RABEP1: variants seen among roughly 807,000 people sequenced by gnomAD.
RABEP1 encodes the protein rab GTPase-binding effector protein 1.
Under a neutral mutation model 123.4 loss-of-function variants are expected in RABEP1, and 51 were observed. The observed-to-expected ratio is 0.41, with a 90% confidence interval of 0.33 to 0.52. RABEP1 has a LOEUF of 0.52. RABEP1 is among the 20% of genes least tolerant of loss of function. RABEP1 has a pLI of 0.16. For synonymous variants in RABEP1, 347 were observed against 355.2 expected (o/e 0.98, Z 0.26); for missense variants, 888 against 996.3 (o/e 0.89, Z 1.46).
chr17:5,287,784 T>G (rs975317467), intron 1 of RABEP1, among the ~76,000 whole-genome samples: 4 of 151,712 alleles, frequency 2.6e-5, no homozygotes, highest in Non-Finnish European at 4.4e-5. Flanking sequence ...TGATGGCCTG[T>G]GCCTCTAGTC....
rs536905129 is a variant in RABEP1 at position 5,341,487 on chromosome 17, G to T, written c.648+3349G>T. Among the ~76,000 whole-genome samples the T allele has an allele frequency of 2.6e-5, 4 of 152,230 alleles. No individual in the cohort carries two copies. In the South Asian group the frequency reaches 8.3e-4, roughly 32 times the overall value. The stretch of plus-strand genomic sequence containing the variant: ...TGTCTCTTGCCTCCTCTCACCAAAA[G>T]ATATTAAACTGTTGATTTTACAGGT... On this transcript the variant is annotated intron_variant, in intron 5 of 17. Coordinates refer to ENST00000537505, the MANE Select transcript of RABEP1 (RefSeq NM_004703.6).
chr17:5,343,869 T>G (rs1220644863), intron 5 of RABEP1, among the ~76,000 whole-genome samples: 1 of 150,722 alleles, frequency 6.6e-6, no homozygotes, highest in African/African-American at 2.4e-5. Flanking sequence ...AGAGACGGGG[T>G]TTTGTCATGT....
chr17:5,373,441 C>A lies in RABEP1; in HGVS notation c.2012C>A (p.Pro671Gln). ...CAGCAAGCAGAAGACTTCATCCTCC[C>A]AGACACTACAGAGGTAACTTACTTT... ...SLQQAEDFIL[P>Q]DTTEALRELV... The change falls in exon 13 of 18, where the codon CCA (proline) becomes CAA (glutamine). Residue 671 changes from proline to glutamine, a missense_variant. Transcript: ENST00000537505. The A allele has an allele frequency of 6.2e-7, 1 of 1,609,846 alleles. No individual in the cohort carries two copies.
At chr17:5,329,075 A>G (rs1416647385) in intron 2 of RABEP1, among the ~76,000 whole-genome samples, 1 of 103,014 alleles carries the variant, frequency 9.7e-6, no homozygotes, top group African/African-American at 4.2e-5. Flanking sequence ...ATTTGGTATT[A>G]GTTATCAGGC....
intron 6 of RABEP1, among the ~76,000 whole-genome samples, chr17:5,348,258 C>T (rs529151051): frequency 6.6e-5 from 10 of 152,288 alleles, no homozygotes; most frequent in South Asian, 6.2e-4. Context: ...GGATTACAGG[C>T]GTGAGCCACC....
At chr17:5,306,094 A>G (rs1426343168) in intron 1 of RABEP1, among the ~76,000 whole-genome samples, 5 of 152,202 alleles carry the variant, frequency 3.3e-5, no homozygotes, top group Non-Finnish European at 5.9e-5. Context: ...CCCATTATAA[A>G]TTGGAAATAA....
At chr17:5,289,357 A>G (rs568918419) in intron 1 of RABEP1, among the ~76,000 whole-genome samples, 31 of 148,164 alleles carry the variant, frequency 2.1e-4, no homozygotes, top group South Asian at 1.3e-3. Flanking sequence ...ACAGTTTGTC[A>G]TTTACCTCGT....
intron 1 of RABEP1, among the ~76,000 whole-genome samples, chr17:5,287,039 G>T (rs2074985313): frequency 6.6e-6 from 1 of 152,188 alleles, no homozygotes; most frequent in Non-Finnish European, 1.5e-5. Context: ...AGCATGTCTG[G>T]CATGTTTGAG....
At chr17:5,285,238 T>G (rs1023142175) in intron 1 of RABEP1, among the ~76,000 whole-genome samples, 1 of 152,114 alleles carries the variant, frequency 6.6e-6, no homozygotes, top group African/African-American at 2.4e-5. Flanking sequence ...AGTATTTCTT[T>G]TAATCTAAGT....
At chr17:5,386,340 A>ATT, downstream of RABEP1, 1 of 1,204,194 alleles carries the variant, frequency 8.3e-7, no homozygotes, top group Non-Finnish European at 1.2e-6. Flanking sequence ...AAGAATTTAA[A>ATT]CTGGTAATGT....
chr17:5,353,827 T>TA (rs1177109769), intron 7 of RABEP1, among the ~76,000 whole-genome samples: 2 of 151,946 alleles, frequency 1.3e-5, no homozygotes, highest in Non-Finnish European at 1.5e-5. Context: ...CTACAAAAAA[T>TA]AAAAAAATTA....
At chr17:5,315,217 A>G (rs1298237780) in intron 2 of RABEP1, among the ~76,000 whole-genome samples, 2 of 152,260 alleles carry the variant, frequency 1.3e-5, no homozygotes, top group Non-Finnish European at 2.9e-5. Context: ...AAAACAGAGT[A>G]TATAAAATTA....
chr17:5,301,469 A>G (rs181700053), intron 1 of RABEP1, among the ~76,000 whole-genome samples: 14 of 152,316 alleles, frequency 9.2e-5, no homozygotes, highest in Non-Finnish European at 1.6e-4. Flanking sequence ...GCAGTTGTCA[A>G]CTATAGCAGT....
At chr17:5,282,744 G>T (rs565644937) in intron 1 of RABEP1, among the ~76,000 whole-genome samples, 2,191 of 150,240 alleles carry the variant, frequency 0.015, 29 homozygotes, top group Middle Eastern at 0.021. Flanking sequence ...CAGCGCTTGC[G>T]GGAGGGCAGA....
chr17:5,298,934 C>T (rs528059752), intron 1 of RABEP1, among the ~76,000 whole-genome samples: 3 of 152,004 alleles, frequency 2.0e-5, no homozygotes, highest in East Asian at 3.9e-4. Flanking sequence ...GGATTACAGG[C>T]GTGAGCCACT....
intron 12 of RABEP1, among the ~76,000 whole-genome samples, chr17:5,369,289 A>C (rs887818329): frequency 6.6e-6 from 1 of 152,032 alleles, no homozygotes; most frequent in Non-Finnish European, 1.5e-5. Context: ...CTCCCTCCTC[A>C]CTAGTCTGGC....
intron 5 of RABEP1, among the ~76,000 whole-genome samples, chr17:5,339,817 A>G (rs1210936454): frequency 6.6e-6 from 1 of 152,158 alleles, no homozygotes; most frequent in Admixed American, 6.5e-5. Context: ...AAAGAAAGAA[A>G]AAAATACTGA....
rs772926118 is a variant in RABEP1, at chr17:5,361,198, C to T, written c.1096-10C>T. On this transcript the variant is annotated splice_polypyrimidine_tract_variant and intron_variant, in intron 8 of 17. Transcript: ENST00000537505. ...TGTCTAACTTGGCCATATGTATTTTCACATTTCAGGAGCATTTAGACAGCA... is the reference window on the plus strand; with the variant it reads ...TGTCTAACTTGGCCATATGTATTTTTACATTTCAGGAGCATTTAGACAGCA... 8.8e-6 allele frequency: 14 copies of T among 1,598,492 alleles called. No homozygotes were observed. The highest frequency in any genetic ancestry group is 1.0e-5 in the Non-Finnish European group (12 of 1,171,814).
intron 2 of RABEP1, among the ~76,000 whole-genome samples, chr17:5,311,088 G>C (rs2075235341): frequency 6.6e-6 from 1 of 152,102 alleles, no homozygotes; most frequent in Non-Finnish European, 1.5e-5. Context: ...GGGATTACAG[G>C]CGTGAGCCAC....
Sources: allele counts gnomAD v4.1 joint callset (sites outside exome capture counted in the v4.1 genomes callset), GRCh38; gene constraint gnomAD v4.1.1; transcripts MANE v1.5; gene names NCBI Gene and HGNC (gene_info 2026-07-23, HGNC 2026-07-21).